Variants in SPG7 observed in about 807,000 individuals in gnomAD.
SPG7 encodes the protein SPG7 matrix AAA peptidase subunit, paraplegin.
Under a neutral mutation model 81.9 loss-of-function variants are expected in SPG7, and 103 were observed. That is an observed-to-expected ratio of 1.26 (90% CI 1.07 to 1.48). The LOEUF (loss-of-function observed/expected upper bound fraction) is 1.48. Ranked by LOEUF, SPG7 falls within the 40% of genes most tolerant of loss-of-function variation. The pLI, the probability that SPG7 is intolerant of heterozygous loss-of-function variation, is 0.00. For synonymous variants in SPG7, 534 were observed against 444.2 expected (o/e 1.20, Z -2.54); for missense variants, 1,241 against 1,087.3 (o/e 1.14, Z -1.99).
At position 89,536,844 on chromosome 16, in the gene SPG7, G is replaced by A. The variant is rs541636981; in HGVS notation, c.1324+4208G>A. ...AGACCCCCGCCTGCTCCTGTCTCACGGAGCCCACAGGGTCACGGAGGGCAA... is the reference window on the plus strand; with the variant it reads ...AGACCCCCGCCTGCTCCTGTCTCACAGAGCCCACAGGGTCACGGAGGGCAA... On this transcript the variant is annotated intron_variant, in intron 9 of 16. Coordinates refer to ENST00000645818, the MANE Select transcript of SPG7 (RefSeq NM_003119.4). The A allele has an allele frequency of 3.4e-5, 55 of 1,614,102 alleles. No individual in the cohort carries two copies. Among genetic ancestry groups the A allele is most frequent in the Admixed American group, 6.7e-5 (4 of 60,008 alleles).
intron 9 of SPG7, among the ~76,000 whole-genome samples, chr16:89,534,971 T>C (rs1023427156): frequency 1.5e-4 from 23 of 152,140 alleles, no homozygotes; most frequent in African/African-American, 4.6e-4. Context: ...CCTTGGCTCA[T>C]GCAATCCTCC....
At chr16:89,531,810 C>G in intron 7 of SPG7, 94 bp from the exon 8 acceptor site, 1 of 1,344,204 alleles carries the variant, frequency 7.4e-7, no homozygotes, top group Non-Finnish European at 1.1e-6. Context: ...ACCCACTGCA[C>G]TCCAGCCTGC....
In SPG7 at chr16:89,535,302, C is replaced by T. The variant is rs7206807; in HGVS notation, c.1324+2666C>T. Among the ~76,000 whole-genome samples, 797 of 152,266 alleles carry T rather than the reference C, an allele frequency of 5.2e-3. 8 individuals are homozygous for T. Among genetic ancestry groups the T allele is most frequent in the African/African-American group, 0.018 (759 of 41,538 alleles). ...TGGCGCCCGTCTCTTCTGGGTGCCC[C>T]GCGTTCCCGTCTGCCTCTGGGCTGC... is the stretch of plus-strand genomic sequence containing the variant. On this transcript the variant is annotated intron_variant, in intron 9 of 16. Transcript: ENST00000645818.
At chr16:89,526,535 T>C in intron 5 of SPG7, 67 bp downstream of exon 5, 2 of 1,589,086 alleles carry the variant, frequency 1.3e-6, no homozygotes, top group Admixed American at 1.7e-5. Context: ...GAGAAACAGA[T>C]TGCAATCAAA....
intron 6 of SPG7, chr16:89,530,169 G>C: frequency 3.7e-6 from 1 of 270,980 alleles, no homozygotes; most frequent in Non-Finnish European, 7.0e-6. Context: ...GTGTGTGACA[G>C]AGTCTGGCTC....
Position 89,557,434 on chromosome 16 carries a change from A to ACAG in SPG7, c.*342_*344dup, listed in dbSNP as rs1446620337. ...AGGCAGCAGAGCATTCAGACTCCAA[A>ACAG]CAGACCCCTGTTCATGCCGACGCTT... On this transcript the variant is annotated 3_prime_UTR_variant, in exon 17 of 17. Coordinates refer to ENST00000645818, the MANE Select transcript of SPG7 (RefSeq NM_003119.4). 1 of 355,218 alleles carries ACAG rather than the reference A, an allele frequency of 2.8e-6. No homozygotes were observed. Among genetic ancestry groups the ACAG allele is most frequent in the Non-Finnish European group, 5.3e-6 (1 of 187,918 alleles). 22.0% of individuals were successfully genotyped at this position (355,218 alleles called of 1,614,324 possible). A position where few individuals can be genotyped will look rare whatever the true frequency, so the allele number is the denominator to read the frequency against.
intron 9 of SPG7, chr16:89,542,337 C>G (rs906520833): frequency 1.3e-5 from 2 of 152,254 alleles, no homozygotes; most frequent in African/African-American, 4.8e-5. Context: ...GTCCCAGTCC[C>G]CACCCTCCCC....
intron 7 of SPG7, 93 bp downstream of exon 7, chr16:89,530,901 A>G: frequency 6.4e-7 from 1 of 1,568,194 alleles, no homozygotes; most frequent in South Asian, 1.1e-5. Context: ...AATTCCATCG[A>G]TGACGTGTCG....
intron 3 of SPG7, chr16:89,520,232 A>G (rs2058167172): frequency 6.5e-6 from 1 of 153,168 alleles, no homozygotes; most frequent in Non-Finnish European, 1.5e-5. Flanking sequence ...AATGACCACA[A>G]CACTGAAGGC....
intron 10 of SPG7, 134 bp from the exon 11 acceptor site, chr16:89,546,524 A>AAAACTC (rs1045656426): frequency 2.6e-5 from 20 of 768,780 alleles, no homozygotes; most frequent in Non-Finnish European, 4.5e-5. Context: ...CTAAAAATAC[A>AAAACTC]AAACTCAGGC....
rs1050928981 is a variant in SPG7, at chr16:89,508,792, G to T, written c.183+192G>T. On this transcript the variant is annotated intron_variant, in intron 1 of 16. Transcript: ENST00000645818. ...GCCCTGGATCGTGGGCGCTGGGCGG[G>T]CCGGGAAGAGGCAGGGCTGGGATCC... 9 of 727,454 alleles carry T rather than the reference G, an allele frequency of 1.2e-5. No homozygotes were observed. In the African/African-American group the frequency reaches 1.6e-4, roughly 13 times the overall value. The allele number at this position is 727,454 out of a possible 1,614,324, so 45.1% of individuals were successfully genotyped here.
intron 6 of SPG7, 107 bp from the exon 7 acceptor site, chr16:89,530,576 T>C (rs2058327622): frequency 2.4e-6 from 3 of 1,262,534 alleles, no homozygotes. Flanking sequence ...GATCCTAGGA[T>C]GGAGACGTGG....
chr16:89,523,544 G>A (rs2058218659), intron 3 of SPG7: 1 of 363,648 alleles, frequency 2.7e-6, no homozygotes, highest in Admixed American at 3.5e-5. Context: ...TTTGCAGCAG[G>A]AGAGCTGACT....
rs2058508777 is a variant in SPG7, at chr16:89,542,560, G to A, written c.1325-2088G>A. 2.0e-5 allele frequency among the ~76,000 whole-genome samples: 3 copies of A among 152,336 alleles called. No individual in the cohort carries two copies. In the South Asian group the frequency reaches 6.2e-4, roughly 32 times the overall value. On this transcript the variant is annotated intron_variant, in intron 9 of 16. Coordinates refer to ENST00000645818, the MANE Select transcript of SPG7 (RefSeq NM_003119.4). ...CTGACGTGTGGAACCAGGGAGAATG[G>A]TTGTGTCTTTCAAAGTTTCTTTGAA... is the stretch of plus-strand genomic sequence containing the variant.
intron 16 of SPG7, chr16:89,555,863 C>G: frequency 2.5e-6 from 1 of 398,692 alleles, no homozygotes; most frequent in East Asian, 3.6e-5. Context: ...TCAGCCTCCC[C>G]TTGTGTCTTT....
chr16:89,529,670 A>G (rs1002380077), intron 6 of SPG7, 91 bp downstream of exon 6: 1 of 955,772 alleles, frequency 1.0e-6, no homozygotes, highest in Non-Finnish European at 1.7e-6. Flanking sequence ...ATACACAGGG[A>G]AAACCTGTTG....
Position 89,554,112 on chromosome 16 carries a change from C to T in SPG7, c.2103+152C>T. 4 of 703,136 alleles carry T rather than the reference C, an allele frequency of 5.7e-6. No homozygotes were observed. In the South Asian group the frequency reaches 7.3e-5, roughly 13 times the overall value. 43.6% of individuals were successfully genotyped at this position (703,136 alleles called of 1,614,324 possible). On this transcript the variant is annotated intron_variant, in intron 15 of 16. Coordinates refer to ENST00000645818, the MANE Select transcript of SPG7 (RefSeq NM_003119.4). ...TCCTTCTGGGCTCTGCTGTAGTTCC[C>T]ACCTGTGGAGTATTTTCTTCTCAAA...
chr16:89,552,615 T>C (rs1290869309), intron 13 of SPG7: 4 of 342,058 alleles, frequency 1.2e-5, no homozygotes, highest in Non-Finnish European at 1.7e-5. Context: ...GGGTTCTCAT[T>C]GCTCTGAACC....
At chr16:89,544,794 T>C (rs1479578961) in intron 10 of SPG7, 22 bp downstream of exon 10, 1 of 1,613,530 alleles carries the variant, frequency 6.2e-7, no homozygotes, top group Non-Finnish European at 8.5e-7. Flanking sequence ...GATCCCAGCC[T>C]CTCCCACTCC....
Sources: allele counts gnomAD v4.1 joint callset (sites outside exome capture counted in the v4.1 genomes callset), GRCh38; gene constraint gnomAD v4.1.1; transcripts MANE v1.5; gene names NCBI Gene and HGNC (gene_info 2026-07-23, HGNC 2026-07-21).